Variants in FAT3 observed in about 807,000 individuals in gnomAD.
FAT3 encodes the protein protocadherin Fat 3.
In FAT3, 95 loss-of-function variants were observed where a neutral mutation model predicts 310.2. That is an observed-to-expected ratio of 0.31 (90% CI 0.26 to 0.36). FAT3 has a LOEUF of 0.36. Among genes scored for constraint, FAT3 ranks in the 10% least tolerant of loss-of-function variants. The pLI is 1.00. For missense variants in FAT3, 5,408 were observed against 5,715.6 expected, an observed-to-expected ratio of 0.95 and a Z score of 1.74; for synonymous variants, 2,314 against 2,192.9, an observed-to-expected ratio of 1.06 and a Z score of -1.54.
At chr11:92,421,598 C>T (rs1331705152) in intron 2 of FAT3, among the ~76,000 whole-genome samples, 1 of 152,186 alleles carries the variant, frequency 6.6e-6, no homozygotes, top group African/African-American at 2.4e-5. Context: ...ACATTTTTGT[C>T]TCTAAGCAGA....
At chr11:92,596,930 T>A (rs1348534297) in intron 3 of FAT3, among the ~76,000 whole-genome samples, 1 of 152,174 alleles carries the variant, frequency 6.6e-6, no homozygotes, top group African/African-American at 2.4e-5. Context: ...CTTTCTAGTT[T>A]AACTCTTCTT....
intron 19 of FAT3, among the ~76,000 whole-genome samples, chr11:92,853,168 G>T (rs1001549651): frequency 3.3e-5 from 5 of 152,240 alleles, no homozygotes; most frequent in African/African-American, 9.6e-5. Flanking sequence ...AGCCAGGCAT[G>T]CTGGCACATG....
chr11:92,319,638 GAATAT>G (rs1489997677), intron 1 of FAT3, among the ~76,000 whole-genome samples: 1 of 152,146 alleles, frequency 6.6e-6, no homozygotes, highest in Non-Finnish European at 1.5e-5. Flanking sequence ...CCCTTAAGGA[GAATAT>G]AATATTGAGG....
chr11:92,886,907 G>T, intron 24 of FAT3, 93 bp from the exon 25 acceptor site: 2 of 986,420 alleles, frequency 2.0e-6, no homozygotes, highest in South Asian at 3.0e-5. Context: ...AAAGTGCCTC[G>T]AGAAGTGAAC....
In FAT3 at chr11:92,280,684, G is replaced by T. The variant is rs559570473; in HGVS notation, c.-18+55510G>T. ...TGATCAGTTAGATCTCTATAATTCA[G>T]CTCCCAAGGCTGTTCATGCTTTATT... On this transcript the variant is annotated intron_variant, in intron 1 of 27. Transcript: ENST00000525166. 3.3e-5 allele frequency among the ~76,000 whole-genome samples: 5 copies of T among 152,172 alleles called. No individual in the cohort carries two copies. In the East Asian group the frequency reaches 9.7e-4, roughly 30 times the overall value.
chr11:92,429,616 T>C (rs1011634284), intron 2 of FAT3, among the ~76,000 whole-genome samples: 1 of 152,162 alleles, frequency 6.6e-6, no homozygotes, highest in African/African-American at 2.4e-5. Flanking sequence ...CTGTAAAGGA[T>C]TTTATTTCTC....
chr11:92,811,916 G>A (rs1947683838), intron 13 of FAT3, among the ~76,000 whole-genome samples: 1 of 152,302 alleles, frequency 6.6e-6, no homozygotes, highest in East Asian at 1.9e-4. Context: ...TAAGACAGCT[G>A]AGGAAGAACC....
intron 1 of FAT3, among the ~76,000 whole-genome samples, chr11:92,274,128 A>AT (rs1946200495): frequency 2.6e-5 from 4 of 152,076 alleles, no homozygotes; most frequent in Non-Finnish European, 4.4e-5. Flanking sequence ...TTGTATCCTC[A>AT]ATATCCTTTT....
At position 92,894,763 on chromosome 11, in the gene FAT3, AGGT is replaced by A. The variant is rs1949991255; in HGVS notation, c.*3654_*3656del. ...ATATAAAAGACTTAGGAACATGAGT[AGGT>A]GGTCCATGCTTTGAGGTTCATCCAA... is the stretch of plus-strand genomic sequence containing the variant. On this transcript the variant is annotated 3_prime_UTR_variant, in exon 28 of 28. Transcript: ENST00000525166. 6.6e-6 allele frequency: 1 copy of A among 152,210 alleles called. No individual in the cohort carries two copies. The allele number at this position is 152,210 out of a possible 1,614,324, so 9.4% of individuals were successfully genotyped here. A position where few individuals can be genotyped will look rare whatever the true frequency, so the allele number is the denominator to read the frequency against.
intron 4 of FAT3, among the ~76,000 whole-genome samples, chr11:92,715,605 A>G (rs1944658549): frequency 6.6e-6 from 1 of 151,964 alleles, no homozygotes; most frequent in African/African-American, 2.4e-5. Flanking sequence ...CATATAAAAC[A>G]TAATTATACC....
chr11:92,508,892 A>G (rs1953199591), intron 2 of FAT3, among the ~76,000 whole-genome samples: 1 of 152,124 alleles, frequency 6.6e-6, no homozygotes, highest in Admixed American at 6.6e-5. Flanking sequence ...TGAAGAGCTG[A>G]AGGTTATGTT....
chr11:92,554,461 CAAAAAAAAAAAAAAAAAAAAAA>C (rs56918849), intron 3 of FAT3, among the ~76,000 whole-genome samples: 6 of 55,012 alleles, frequency 1.1e-4, no homozygotes, highest in African/African-American at 2.5e-4. Flanking sequence ...GACTCCATCT[CAAAAAAAAAAAAAAAAAAAAAA>C]AAAAAAAAAA....
At chr11:92,820,982 G>A (rs775094860) in intron 13 of FAT3, among the ~76,000 whole-genome samples, 31 of 152,138 alleles carry the variant, frequency 2.0e-4, no homozygotes, top group Non-Finnish European at 3.7e-4. Context: ...GCCCACCTTG[G>A]GAAGGAGCAG....
intron 22 of FAT3, among the ~76,000 whole-genome samples, chr11:92,871,099 A>G (rs1949378394): frequency 6.6e-6 from 1 of 152,244 alleles, no homozygotes; most frequent in Admixed American, 6.5e-5. Flanking sequence ...ATAGTGAGCT[A>G]TGACCATACC....
At chr11:92,616,078 G>A (rs143684147) in intron 3 of FAT3, among the ~76,000 whole-genome samples, 16 of 152,266 alleles carry the variant, frequency 1.1e-4, no homozygotes, top group African/African-American at 3.4e-4. Context: ...ACAGTGGGGT[G>A]TTAAAATCTC....
intron 3 of FAT3, 83 bp from the exon 4 acceptor site, chr11:92,697,300 TC>T: frequency 8.0e-7 from 1 of 1,246,316 alleles, no homozygotes; most frequent in East Asian, 2.4e-5. Context: ...CTTTTGCTTT[TC>T]CTTTAACTGG....
At chr11:92,505,223 A>T (rs890284309) in intron 2 of FAT3, among the ~76,000 whole-genome samples, 2 of 152,132 alleles carry the variant, frequency 1.3e-5, no homozygotes, top group Non-Finnish European at 2.9e-5. Context: ...CCTGATGCTG[A>T]TGCAACCATC....
intron 2 of FAT3, among the ~76,000 whole-genome samples, chr11:92,404,149 A>C (rs575561417): frequency 6.6e-6 from 1 of 152,302 alleles, no homozygotes; most frequent in African/African-American, 2.4e-5. Flanking sequence ...AAACTCATTC[A>C]TTAGTTCCTC....
At chr11:92,695,502 G>A (rs558305967) in intron 3 of FAT3, among the ~76,000 whole-genome samples, 7 of 152,074 alleles carry the variant, frequency 4.6e-5, no homozygotes, top group Admixed American at 4.6e-4. Context: ...CAAACTTTAT[G>A]AGTACACATG....
Sources: gnomAD v4.1 joint callset for allele counts (sites outside exome capture counted in the v4.1 genomes callset) on GRCh38, gnomAD v4.1.1 for gene constraint, MANE v1.5 for transcripts, NCBI Gene and HGNC (gene_info 2026-07-23, HGNC 2026-07-21) for gene names.